The following PTPN3 variants were observed in gnomAD, a reference collection of about 807,000 sequenced individuals.
PTPN3 encodes the protein protein tyrosine phosphatase non-receptor type 3, also known as tyrosine-protein phosphatase non-receptor type 3.
A neutral mutation model predicts 132.7 loss-of-function variants in PTPN3; 96 were observed. The observed-to-expected ratio is 0.72, with a 90% CI of 0.61 to 0.86. The LOEUF (loss-of-function observed/expected upper bound fraction) is 0.86. Among genes scored for constraint, PTPN3 ranks in the 40% least tolerant of loss-of-function variants. PTPN3 has a pLI of 0.00. For missense variants in PTPN3, 1,125 were observed against 1,159.6 expected, an observed-to-expected ratio of 0.97 and a Z score of 0.43; for synonymous variants, 398 against 429.0, an observed-to-expected ratio of 0.93 and a Z score of 0.89.
intron 5 of PTPN3, among the ~76,000 whole-genome samples, chr9:109,454,013 C>G (rs1333313130): frequency 6.6e-6 from 1 of 150,902 alleles, no homozygotes; most frequent in Non-Finnish European, 1.5e-5. Context: ...GACTCCGTCT[C>G]AAAACAAAAA....
At chr9:109,412,746 A>C (rs1305934175) in intron 14 of PTPN3, among the ~76,000 whole-genome samples, 2 of 152,018 alleles carry the variant, frequency 1.3e-5, no homozygotes, top group African/African-American at 4.8e-5. Context: ...GTCTCAAGCA[A>C]TCCTCCTGCA....
the PTPN3 span, among the ~76,000 whole-genome samples, chr9:109,504,730 T>C: frequency 6.6e-6 from 1 of 152,124 alleles, no homozygotes; most frequent in Non-Finnish European, 1.5e-5. Flanking sequence ...TGCTACCACA[T>C]GGGAAAACAG....
chr9:109,506,223 G>A, the PTPN3 span, among the ~76,000 whole-genome samples: 590 of 152,336 alleles, frequency 3.9e-3, 3 homozygotes, highest in African/African-American at 0.013. Flanking sequence ...GGGACCAGAA[G>A]CAAGCTAACC....
At chr9:109,497,717 G>C (rs562506977) in intron 1 of PTPN3, among the ~76,000 whole-genome samples, 4 of 152,276 alleles carry the variant, frequency 2.6e-5, no homozygotes, top group Non-Finnish European at 5.9e-5. Context: ...TGGCTCTGGA[G>C]TTTCGTGCCA....
At chr9:109,430,268 T>C (rs1422576094) in intron 10 of PTPN3, among the ~76,000 whole-genome samples, 1 of 152,172 alleles carries the variant, frequency 6.6e-6, no homozygotes, top group East Asian at 1.9e-4. Context: ...ACTCCCCTTT[T>C]GAGTTCTTAC....
chr9:109,420,475 G>A lies in PTPN3; in HGVS notation c.1262C>T (p.Ala421Val). Residue 421 changes from alanine (A) to valine (V), a missense_variant, in exon 14 of 26, where the codon GCC (alanine) becomes GTC (valine). Coordinates refer to ENST00000374541, the MANE Select transcript of PTPN3 (RefSeq NM_002829.4). ...AACTTCAGAATCGCTGTCTTGAGGG[G>A]CCAGAGAGCCCTTGTACGTGTAAAA... ...DVFYTYKGSL[A>V]PQDSDSEVSQ... 6.8e-6 allele frequency: 11 copies of A among 1,612,448 alleles called. No homozygotes were observed. Among genetic ancestry groups the A allele is most frequent in the Non-Finnish European group, 8.5e-6 (10 of 1,178,958 alleles).
intron 16 of PTPN3, 38 bp downstream of exon 16, chr9:109,409,961 T>C: frequency 6.2e-7 from 1 of 1,607,404 alleles, no homozygotes; most frequent in Non-Finnish European, 8.5e-7. Flanking sequence ...AAAGATTGCT[T>C]CCCAGCACAA....
the PTPN3 span, among the ~76,000 whole-genome samples, chr9:109,529,567 C>T: frequency 2.6e-5 from 4 of 152,222 alleles, no homozygotes; most frequent in South Asian, 2.1e-4. Flanking sequence ...CTCTATCACT[C>T]AGAAACTCCT....
At position 109,404,461 on chromosome 9, in the gene PTPN3, A is replaced by G; in HGVS notation, c.1940T>C (p.Leu647Pro). The G allele has an allele frequency of 5.4e-6, 8 of 1,472,394 alleles. No homozygotes were observed. Among genetic ancestry groups the G allele is most frequent in the Non-Finnish European group, 7.3e-6 (8 of 1,092,384 alleles). 91.2% of individuals were successfully genotyped at this position (1,472,394 alleles called of 1,614,324 possible). A position where few individuals can be genotyped will look rare whatever the true frequency, so the allele number is the denominator to read the frequency against. ...AGAGGGTCTTACCTCAAACTGGATCAGCACCGTCCCGCTTTCGAGGCCCTT... is the reference window on the plus strand; with the variant it reads ...AGAGGGTCTTACCTCAAACTGGATCGGCACCGTCCCGCTTTCGAGGCCCTT... ...LKKGLESGTV[L>P]IQFEQLYRKK... The change falls in exon 19 of 26, where the codon CTG (leucine) becomes CCG (proline). Residue 647 changes from leucine (L) to proline (P), a missense_variant. Physicochemically the swap from Leu to Pro is moderately conservative, Grantham distance 98. Transcript: ENST00000374541.
intron 19 of PTPN3, among the ~76,000 whole-genome samples, chr9:109,399,266 A>G (rs1271273103): frequency 1.3e-5 from 2 of 152,180 alleles, no homozygotes; most frequent in African/African-American, 4.8e-5. Flanking sequence ...GGCTAGAGCA[A>G]TCGTCCCGCC....
the PTPN3 span, among the ~76,000 whole-genome samples, chr9:109,535,296 C>T: frequency 6.6e-6 from 1 of 152,164 alleles, no homozygotes; most frequent in Non-Finnish European, 1.5e-5. Context: ...CATATCGTTT[C>T]CATGGGTCCA....
At chr9:109,453,957 G>C (rs547311105) in intron 5 of PTPN3, among the ~76,000 whole-genome samples, 1 of 152,218 alleles carries the variant, frequency 6.6e-6, no homozygotes, top group African/African-American at 2.4e-5. Flanking sequence ...GGAGGTTGCA[G>C]TGAGCCAAGC....
chr9:109,399,941 T>G (rs1588328020), intron 19 of PTPN3, among the ~76,000 whole-genome samples: 1 of 113,314 alleles, frequency 8.8e-6, no homozygotes, highest in Non-Finnish European at 1.8e-5. Flanking sequence ...CACAGTTACC[T>G]TTTTTTTTTT....
chr9:109,491,778 G>A (rs1005971137), intron 1 of PTPN3, among the ~76,000 whole-genome samples: 2 of 152,206 alleles, frequency 1.3e-5, no homozygotes, highest in Non-Finnish European at 2.9e-5. Context: ...TCAGTGGGGA[G>A]GGGGAGAAGG....
intron 7 of PTPN3, among the ~76,000 whole-genome samples, chr9:109,443,952 C>G (rs1166462319): frequency 6.6e-6 from 1 of 152,194 alleles, no homozygotes; most frequent in Admixed American, 6.5e-5. Context: ...GCCCAGCCAC[C>G]TTGCTCTTCA....
chr9:109,460,832 G>A (rs1845811713), intron 2 of PTPN3, among the ~76,000 whole-genome samples: 2 of 152,274 alleles, frequency 1.3e-5, no homozygotes, highest in East Asian at 1.9e-4. Context: ...AAAAACGCAG[G>A]GATTTTGTTC....
chr9:109,534,636 A>AG, the PTPN3 span, among the ~76,000 whole-genome samples: 80 of 104,874 alleles, frequency 7.6e-4, no homozygotes, highest in African/African-American at 2.4e-3. Context: ...AAAATACAAA[A>AG]AAAAAAAAAA....
At chr9:109,469,562 T>C (rs529464489) in intron 1 of PTPN3, among the ~76,000 whole-genome samples, 27 of 152,332 alleles carry the variant, frequency 1.8e-4, no homozygotes, top group African/African-American at 6.5e-4. Context: ...GAGATTGCAA[T>C]GAGCCAAGAT....
At chr9:109,388,706 AAGACAAG>A (rs1169216527) in intron 22 of PTPN3, among the ~76,000 whole-genome samples, 1 of 152,184 alleles carries the variant, frequency 6.6e-6, no homozygotes, top group Non-Finnish European at 1.5e-5. Context: ...TATCAGCCCT[AAGACAAG>A]AGACCATTGC....
Sources: gnomAD v4.1 joint callset for allele counts (sites outside exome capture counted in the v4.1 genomes callset) on GRCh38, gnomAD v4.1.1 for gene constraint, MANE v1.5 for transcripts, NCBI Gene and HGNC (gene_info 2026-07-23, HGNC 2026-07-21) for gene names.